Variants in REV3L observed in about 807,000 individuals in gnomAD.
REV3L encodes REV3 like, DNA directed polymerase zeta catalytic subunit, also known as DNA polymerase zeta catalytic subunit.
A neutral mutation model predicts 299.4 loss-of-function variants in REV3L; 69 were observed. The ratio of observed to expected loss-of-function variants is 0.23; its 90% confidence interval spans 0.19 to 0.28. The LOEUF (loss-of-function observed/expected upper bound fraction) is 0.28. Ranked by LOEUF, REV3L falls within the 10% of genes least tolerant of loss-of-function variation. The probability of loss-of-function intolerance (pLI) is 1.00; values close to 1 mark genes in which losing one functional copy is unlikely to be tolerated. For synonymous variants in REV3L, 1,238 were observed against 1,271.4 expected (o/e 0.97, Z 0.56); for missense variants, 3,128 against 3,693.8 (o/e 0.85, Z 3.97).
chr6:111,364,384 T>C lies in REV3L; in HGVS notation c.6754-406A>G, dbSNP rs1582695645. Among the ~76,000 whole-genome samples the C allele has an allele frequency of 2.0e-5, 3 of 152,242 alleles. 1 individual carries two copies. Among genetic ancestry groups the C allele is most frequent in the East Asian group, 3.9e-4 (2 of 5,190 alleles). On this transcript the variant is annotated intron_variant, in intron 15 of 31. Coordinates refer to ENST00000368802, the MANE Select transcript of REV3L (RefSeq NM_001372078.1). The stretch of plus-strand genomic sequence containing the variant: ...AGATTTGAAATACTGATTTGTATTT[T>C]ACTCTAATATAACATGTGTCTGAAA...
chr6:111,437,349 A>G (rs1469500610), intron 1 of REV3L, among the ~76,000 whole-genome samples: 7 of 152,284 alleles, frequency 4.6e-5, no homozygotes, highest in South Asian at 2.1e-4. Context: ...AAGTCCATCA[A>G]TTGATGAATG....
Position 111,372,501 on chromosome 6 carries a change from A to T in REV3L, c.5759+95T>A, listed in dbSNP as rs558685763. On this transcript the variant is annotated intron_variant, in intron 13 of 31. Transcript: ENST00000368802. ...CAGAAAACTAGCAGTCAGGTAACCA[A>T]ATGTTGCATACATTCTTTTTTTTTC... The T allele has an allele frequency of 1.3e-5, 12 of 952,412 alleles. No individual in the cohort carries two copies. The South Asian group carries it at 4.2e-4, about 34-fold the overall frequency. The allele number at this position is 952,412 out of a possible 1,614,324, so 59.0% of individuals were successfully genotyped here. A position where few individuals can be genotyped will look rare whatever the true frequency, so the allele number is the denominator to read the frequency against.
chr6:111,372,312 G>A (rs984787232), intron 13 of REV3L, among the ~76,000 whole-genome samples: 11 of 152,118 alleles, frequency 7.2e-5, no homozygotes, highest in Non-Finnish European at 5.9e-5. Context: ...TTTACAGTGA[G>A]CACCTCTAAT....
At chr6:111,420,173 T>G (rs566552947) in intron 1 of REV3L, among the ~76,000 whole-genome samples, 87 of 152,146 alleles carry the variant, frequency 5.7e-4, no homozygotes, top group Non-Finnish European at 1.1e-3. Context: ...AGTCAGGGTA[T>G]TAGGTATTTC....
chr6:111,333,632 G>A (rs529550156), intron 22 of REV3L, among the ~76,000 whole-genome samples: 78 of 151,958 alleles, frequency 5.1e-4, no homozygotes, highest in Non-Finnish European at 1.9e-4. Flanking sequence ...GCGCCACCAT[G>A]TCCAGCTAAT....
At chr6:111,394,445 G>C (rs1273190356) in intron 4 of REV3L, among the ~76,000 whole-genome samples, 3 of 152,132 alleles carry the variant, frequency 2.0e-5, no homozygotes, top group Non-Finnish European at 2.9e-5. Flanking sequence ...TCTTTTTTGA[G>C]AGGTGTCTAT....
At chr6:111,314,331 A>T (rs991353838) in intron 27 of REV3L, among the ~76,000 whole-genome samples, 8 of 152,020 alleles carry the variant, frequency 5.3e-5, no homozygotes, top group African/African-American at 1.9e-4. Context: ...GTCTAAGTTC[A>T]CTCCCTTTAA....
intron 1 of REV3L, among the ~76,000 whole-genome samples, chr6:111,443,674 A>G (rs1788530659): frequency 1.3e-5 from 2 of 152,206 alleles, no homozygotes; most frequent in Admixed American, 1.3e-4. Context: ...AATACTCTGA[A>G]TAGACAAAAT....
chr6:111,342,353 T>C (rs1474421777), intron 21 of REV3L, among the ~76,000 whole-genome samples: 2 of 151,278 alleles, frequency 1.3e-5, no homozygotes, highest in African/African-American at 2.4e-5. Flanking sequence ...AGAGCAGGAG[T>C]GCTGAGCAAA....
chr6:111,377,345 A>T (rs377236462), intron 12 of REV3L, among the ~76,000 whole-genome samples: 2 of 128,498 alleles, frequency 1.6e-5, no homozygotes, highest in African/African-American at 2.5e-5. Context: ...TTTATTTATT[A>T]TTTTTTTTGG....
At chr6:111,324,912 A>C (rs2114794639) in intron 25 of REV3L, among the ~76,000 whole-genome samples, 1 of 150,686 alleles carries the variant, frequency 6.6e-6, no homozygotes, top group East Asian at 1.9e-4. Flanking sequence ...CCCAGGCTGG[A>C]GTACAGTGGC....
chr6:111,322,543 C>G, intron 26 of REV3L, 26 bp downstream of exon 26: 4 of 1,537,814 alleles, frequency 2.6e-6, no homozygotes, highest in Non-Finnish European at 3.6e-6. Context: ...ATGCAAAAGA[C>G]AACTACAAAA....
chr6:111,444,897 G>A (rs983490050), intron 1 of REV3L, among the ~76,000 whole-genome samples: 1 of 152,218 alleles, frequency 6.6e-6, no homozygotes, highest in Non-Finnish European at 1.5e-5. Flanking sequence ...AACTGGCAAA[G>A]AGAACTGAAT....
rs1292400223 is a variant in REV3L at position 111,376,649 on chromosome 6, G to C, written c.1706C>G (p.Pro569Arg). ...IFHKDAATLE[P>R]SSSAKITFQC... is the part of the protein sequence containing the mutation. ...AAAGGTAATCTTAGCAGAAGATGAG[G>C]GTTCTAATGTAGCAGCATCTTTGTG... is the stretch of plus-strand genomic sequence containing the variant. The change falls in exon 13 of 32, where the codon CCC becomes CGC. Residue 569 changes from proline to arginine, a missense_variant. Pro to Arg is a moderately radical substitution (Grantham distance 103). This residue lies in a region of REV3L where 2,409 missense variants were observed against 2,611.8 expected (regional missense o/e 0.92). Coordinates refer to ENST00000368802, the MANE Select transcript of REV3L (RefSeq NM_001372078.1). 2.5e-6 allele frequency: 4 copies of C among 1,612,460 alleles called. No individual in the cohort carries two copies. The highest frequency in any genetic ancestry group is 1.3e-5 in the African/African-American group (1 of 74,888).
chr6:111,462,853 T>C (rs1433053254), intron 1 of REV3L, among the ~76,000 whole-genome samples: 1 of 152,080 alleles, frequency 6.6e-6, no homozygotes, highest in African/African-American at 2.4e-5. Context: ...AGCCACAGAA[T>C]GTAAGTACAA....
Position 111,375,631 on chromosome 6 carries a change from C to A in REV3L, c.2724G>T (p.Gln908His). 6.2e-7 allele frequency: 1 copy of A among 1,613,830 alleles called. No homozygotes were observed. The highest frequency in any genetic ancestry group is 2.2e-5 in the East Asian group (1 of 44,866). ...HFGDGTLETE[Q>H]SFGLYGNKYT... ...ATTTATTTCCATATAGTCCAAAGGA[C>A]TGCTCAGTTTCTAACGTTCCATCTC... is the stretch of plus-strand genomic sequence containing the variant. Residue 908 changes from glutamine (Q) to histidine (H), a missense_variant, in exon 13 of 32, where the codon CAG becomes CAT. By Grantham distance (24) the Gln-to-His change is conservative (BLOSUM62 0). Around this residue, in one of 9 missense-constraint regions of REV3L, gnomAD observed 2,409 missense variants for 2,611.8 expected, o/e 0.92. Coordinates refer to ENST00000368802, the MANE Select transcript of REV3L (RefSeq NM_001372078.1).
chr6:111,310,873 G>A (rs1772898546), intron 29 of REV3L, 196 bp downstream of exon 29: 1 of 428,412 alleles, frequency 2.3e-6, no homozygotes, highest in East Asian at 3.4e-5. Context: ...GTTTCTGAAG[G>A]AAAGCCCAAA....
In REV3L at chr6:111,388,056, C is replaced by T; in HGVS notation, c.892G>A (p.Glu298Lys). The T allele has an allele frequency of 6.2e-7, 1 of 1,611,808 alleles. No homozygotes were observed. Among genetic ancestry groups the T allele is most frequent in the Non-Finnish European group, 8.5e-7 (1 of 1,179,184 alleles). ...TGAAGTCTCTTCTGAAATTTTTTTT[C>T]ACTTTCTGTTGCTGGCACAAACCTG... ...DHRFVPATES[E>K]KKFQKRLQEI... is the part of the protein sequence containing the mutation. The change falls in exon 8 of 32, where the codon GAA becomes AAA. Residue 298 changes from glutamate to lysine, a missense_variant. By Grantham distance (56) the Glu-to-Lys change is moderately conservative. Coordinates refer to ENST00000368802, the MANE Select transcript of REV3L (RefSeq NM_001372078.1).
At chr6:111,483,398 C>T, upstream of REV3L, 1 of 445,708 alleles carries the variant, frequency 2.2e-6, no homozygotes, top group Non-Finnish European at 4.0e-6. Context: ...GCGAGGGAGG[C>T]GGCCGGCGGC....
Sources: allele counts gnomAD v4.1 joint callset (sites outside exome capture counted in the v4.1 genomes callset), GRCh38; gene constraint gnomAD v4.1.1; regional missense constraint gnomAD v4.1.1; transcripts MANE v1.5; gene names NCBI Gene and HGNC (gene_info 2026-07-23, HGNC 2026-07-21).